SLC39A11: variants seen among roughly 807,000 people sequenced by gnomAD.
SLC39A11 encodes the protein solute carrier family 39 member 11.
SLC39A11 carries 33 observed loss-of-function variants against 36.1 expected under a neutral mutation model. The observed-to-expected ratio is 0.91, with a 90% CI of 0.69 to 1.22. SLC39A11 has a LOEUF of 1.22. SLC39A11 is among the 50% of genes most tolerant of loss of function. The pLI is 0.00. For synonymous variants in SLC39A11, 166 were observed against 170.3 expected, an observed-to-expected ratio of 0.97 and a Z score of 0.20; for missense variants, 432 against 430.3, an observed-to-expected ratio of 1.00 and a Z score of -0.03.
chr17:72,751,530 T>C (rs1219479517), intron 6 of SLC39A11, among the ~76,000 whole-genome samples: 1 of 152,226 alleles, frequency 6.6e-6, no homozygotes, highest in Non-Finnish European at 1.5e-5. Flanking sequence ...TTCATTGGCA[T>C]TAAGTGCAAT....
At chr17:73,013,930 T>C (rs140222906) in intron 4 of SLC39A11, among the ~76,000 whole-genome samples, 1 of 152,210 alleles carries the variant, frequency 6.6e-6, no homozygotes, top group East Asian at 1.9e-4. Flanking sequence ...CCCAGCGATT[T>C]GATGGAGGGC....
intron 5 of SLC39A11, among the ~76,000 whole-genome samples, chr17:72,880,782 T>C (rs369187553): frequency 1.3e-5 from 2 of 151,020 alleles, no homozygotes; most frequent in African/African-American, 4.9e-5. Flanking sequence ...TCTGGGTTCA[T>C]GCCATTCTCC....
intron 5 of SLC39A11, among the ~76,000 whole-genome samples, chr17:72,891,990 A>G (rs1013563868): frequency 1.1e-4 from 16 of 152,134 alleles, no homozygotes; most frequent in Admixed American, 4.6e-4. Flanking sequence ...CTCAATAAAG[A>G]TGTGCTGAAT....
intron 5 of SLC39A11, among the ~76,000 whole-genome samples, chr17:72,902,998 G>A (rs1167598170): frequency 5.9e-5 from 9 of 152,026 alleles, no homozygotes; most frequent in Admixed American, 5.2e-4. Flanking sequence ...CGGGCTCGGC[G>A]GCTCATGCCT....
At chr17:72,869,791 G>A (rs917195609) in intron 5 of SLC39A11, among the ~76,000 whole-genome samples, 1 of 152,178 alleles carries the variant, frequency 6.6e-6, no homozygotes. Context: ...TTGAAAGCAC[G>A]AAAGTAACAC....
At chr17:73,003,978 A>T (rs943083538) in intron 4 of SLC39A11, among the ~76,000 whole-genome samples, 1 of 151,586 alleles carries the variant, frequency 6.6e-6, no homozygotes, top group East Asian at 1.9e-4. Flanking sequence ...CCCAGCTACT[A>T]TGGAGGCTGA....
At chr17:72,861,684 TATATA>T (rs1326533054) in intron 5 of SLC39A11, among the ~76,000 whole-genome samples, 3 of 117,288 alleles carry the variant, frequency 2.6e-5, no homozygotes, top group Non-Finnish European at 5.4e-5. Context: ...TATATATATA[TATATA>T]AAATATATAT....
Position 72,929,598 on chromosome 17 carries a change from T to A in SLC39A11, c.430+18154A>T, listed in dbSNP as rs556996651. 3.9e-5 allele frequency among the ~76,000 whole-genome samples: 6 copies of A among 152,252 alleles called. No individual in the cohort carries two copies. The East Asian group carries it at 1.2e-3, about 29-fold the overall frequency. ...CCAACAATTCTATTCAATTAAAAAA[T>A]TCCCAAATATTGAAACTTCATATTT... On this transcript the variant is annotated intron_variant, in intron 5 of 9. Transcript: ENST00000255559.
intron 3 of SLC39A11, among the ~76,000 whole-genome samples, chr17:73,047,030 T>TTA (rs1555692920): frequency 1.3e-5 from 2 of 148,998 alleles, no homozygotes; most frequent in Non-Finnish European, 3.0e-5. Flanking sequence ...TTTATTTATT[T>TTA]TTTTTTTTTT....
chr17:72,698,168 A>G (rs207476576), intron 7 of SLC39A11, among the ~76,000 whole-genome samples: 1 of 152,148 alleles, frequency 6.6e-6, no homozygotes, highest in African/African-American at 2.4e-5. Context: ...TTACTTATGC[A>G]CAGGCTGAAA....
intron 6 of SLC39A11, among the ~76,000 whole-genome samples, chr17:72,820,591 A>G (rs913353571): frequency 6.6e-6 from 1 of 151,260 alleles, no homozygotes; most frequent in African/African-American, 2.4e-5. Flanking sequence ...CAAAGAGCCC[A>G]TGCTCTTGTC....
intron 6 of SLC39A11, among the ~76,000 whole-genome samples, chr17:72,812,895 G>A (rs1166411997): frequency 1.3e-5 from 2 of 151,780 alleles, no homozygotes; most frequent in Non-Finnish European, 2.9e-5. Context: ...GCTTTTCTTT[G>A]AGAAATTCCC....
chr17:72,829,970 G>A (rs1166654814), intron 6 of SLC39A11, among the ~76,000 whole-genome samples: 3 of 152,130 alleles, frequency 2.0e-5, no homozygotes, highest in African/African-American at 7.2e-5. Flanking sequence ...AGGGAATGGG[G>A]AAGAGAAACA....
At chr17:72,969,212 T>A (rs2087242048) in intron 4 of SLC39A11, among the ~76,000 whole-genome samples, 1 of 152,166 alleles carries the variant, frequency 6.6e-6, no homozygotes, top group South Asian at 2.1e-4. Flanking sequence ...GAAAACCAGC[T>A]GGTTCCAAGG....
At chr17:72,740,641 C>T (rs984900742) in intron 6 of SLC39A11, among the ~76,000 whole-genome samples, 11 of 152,118 alleles carry the variant, frequency 7.2e-5, no homozygotes, top group African/African-American at 2.7e-4. Context: ...TCAAGGTTTA[C>T]GATATTGCAC....
chr17:72,816,591 A>G (rs547628277), intron 6 of SLC39A11, among the ~76,000 whole-genome samples: 6 of 152,328 alleles, frequency 3.9e-5, no homozygotes, highest in Non-Finnish European at 7.4e-5. Flanking sequence ...AGATTTGCAG[A>G]GGTGTCTGTC....
intron 6 of SLC39A11, among the ~76,000 whole-genome samples, chr17:72,740,680 G>A (rs2074656696): frequency 6.6e-6 from 1 of 152,246 alleles, no homozygotes; most frequent in Non-Finnish European, 1.5e-5. Flanking sequence ...CGTAAGAACT[G>A]AGAGAGATCA....
chr17:73,024,558 A>T (rs2148617974), intron 4 of SLC39A11, among the ~76,000 whole-genome samples: 1 of 152,340 alleles, frequency 6.6e-6, no homozygotes, highest in East Asian at 1.9e-4. Flanking sequence ...AAGGAAATCT[A>T]CGAAGGAGAA....
intron 6 of SLC39A11, among the ~76,000 whole-genome samples, chr17:72,830,703 C>G (rs2078245508): frequency 6.6e-6 from 1 of 152,118 alleles, no homozygotes; most frequent in African/African-American, 2.4e-5. Context: ...ATTGGTCCCT[C>G]GCAAGGTAGA....
Sources: gnomAD v4.1 joint callset for allele counts (sites outside exome capture counted in the v4.1 genomes callset) on GRCh38, gnomAD v4.1.1 for gene constraint, MANE v1.5 for transcripts, NCBI Gene and HGNC (gene_info 2026-07-23, HGNC 2026-07-21) for gene names.